Variants in GABRG3 observed in about 807,000 individuals in gnomAD.
GABRG3 encodes gamma-aminobutyric acid receptor subunit gamma-3.
In GABRG3, 25 loss-of-function variants were observed where a neutral mutation model predicts 48.8. The ratio of observed to expected loss-of-function variants is 0.51; its 90% CI spans 0.37 to 0.72. The LOEUF (loss-of-function observed/expected upper bound fraction) is 0.72, where lower values mean the gene tolerates loss of function less well. Among genes scored for constraint, GABRG3 ranks in the 30% least tolerant of loss-of-function variants. The probability of loss-of-function intolerance (pLI) is 0.00; values close to 1 mark genes in which losing one functional copy is unlikely to be tolerated. For synonymous variants in GABRG3, 227 were observed against 217.6 expected (o/e 1.04, Z -0.38); for missense variants, 394 against 577.9 (o/e 0.68, Z 3.26).
chr15:27,398,387 G>T (rs1306418583), intron 5 of GABRG3, among the ~76,000 whole-genome samples: 5 of 152,066 alleles, frequency 3.3e-5, no homozygotes, highest in Admixed American at 2.0e-4. Context: ...ACTCTCATGC[G>T]ACATATTGTA....
intron 5 of GABRG3, among the ~76,000 whole-genome samples, chr15:27,383,279 G>A (rs901400032): frequency 5.9e-5 from 9 of 152,144 alleles, no homozygotes; most frequent in African/African-American, 2.2e-4. Context: ...AGAGTATTAA[G>A]TCTGTTCTTT....
chr15:27,476,181 A>G (rs918050327), intron 5 of GABRG3, among the ~76,000 whole-genome samples: 13 of 152,190 alleles, frequency 8.5e-5, no homozygotes, highest in Non-Finnish European at 1.9e-4. Flanking sequence ...AGAAATAGGG[A>G]CAACAACAAA....
intron 3 of GABRG3, among the ~76,000 whole-genome samples, chr15:27,204,072 A>G (rs1322209657): frequency 6.6e-6 from 1 of 151,894 alleles, no homozygotes; most frequent in Non-Finnish European, 1.5e-5. Context: ...CTCACTTGTC[A>G]ATATTTTTGT....
intron 6 of GABRG3, among the ~76,000 whole-genome samples, chr15:27,485,754 T>C (rs991533446): frequency 2.6e-5 from 4 of 152,048 alleles, no homozygotes; most frequent in Admixed American, 6.6e-5. Context: ...CCAGAAATCA[T>C]GGCAACCAGA....
chr15:27,094,295 G>C (rs554357488), intron 3 of GABRG3, among the ~76,000 whole-genome samples: 31 of 152,300 alleles, frequency 2.0e-4, no homozygotes, highest in African/African-American at 7.5e-4. Context: ...GAAAGCCGGA[G>C]TGCATGGCCC....
At chr15:27,066,353 T>C (rs1010836905) in intron 3 of GABRG3, among the ~76,000 whole-genome samples, 2 of 152,188 alleles carry the variant, frequency 1.3e-5, no homozygotes, top group Non-Finnish European at 2.9e-5. Flanking sequence ...TTATGTCTTT[T>C]GGAGGGATAG....
intron 2 of GABRG3, among the ~76,000 whole-genome samples, chr15:27,022,401 C>T (rs1895911822): frequency 6.6e-6 from 1 of 152,158 alleles, no homozygotes; most frequent in Admixed American, 6.5e-5. Context: ...CTGTGCCCAC[C>T]TCAGGGGGCC....
intron 7 of GABRG3, among the ~76,000 whole-genome samples, chr15:27,524,131 G>A (rs1414816352): frequency 6.6e-6 from 1 of 152,038 alleles, no homozygotes; most frequent in Non-Finnish European, 1.5e-5. Context: ...ATTAAGAGTA[G>A]CAAAGAAATG....
intron 5 of GABRG3, among the ~76,000 whole-genome samples, chr15:27,467,398 C>G (rs1243657193): frequency 6.6e-6 from 1 of 152,136 alleles, no homozygotes; most frequent in Non-Finnish European, 1.5e-5. Flanking sequence ...ATCTTCAGTA[C>G]CACTGCACTT....
chr15:27,045,558 G>A (rs1896348704), intron 3 of GABRG3, among the ~76,000 whole-genome samples: 1 of 152,160 alleles, frequency 6.6e-6, no homozygotes, highest in Non-Finnish European at 1.5e-5. Flanking sequence ...GCAGCTCTCA[G>A]CTAGAGCACA....
chr15:26,973,468 C>T (rs965795231), intron 1 of GABRG3, among the ~76,000 whole-genome samples: 2 of 152,190 alleles, frequency 1.3e-5, no homozygotes, highest in Non-Finnish European at 2.9e-5. Flanking sequence ...ATGGGTTTTA[C>T]AGACATGTGA....
intron 5 of GABRG3, among the ~76,000 whole-genome samples, chr15:27,464,176 C>T (rs753056305): frequency 6.6e-6 from 1 of 152,116 alleles, no homozygotes; most frequent in Non-Finnish European, 1.5e-5. Context: ...AGTATATTCA[C>T]AGAATTGCTT....
chr15:27,045,213 G>A (rs74006553), intron 3 of GABRG3, among the ~76,000 whole-genome samples: 2,293 of 152,286 alleles, frequency 0.015, 53 homozygotes, highest in African/African-American at 0.052. Context: ...TCCCTGAGGC[G>A]CTTATGAGCC....
At chr15:27,529,499 A>T (rs1347748100) in intron 9 of GABRG3, among the ~76,000 whole-genome samples, 1 of 152,166 alleles carries the variant, frequency 6.6e-6, no homozygotes, top group African/African-American at 2.4e-5. Context: ...AGGACCTCAT[A>T]TGCAGTGCCA....
intron 3 of GABRG3, among the ~76,000 whole-genome samples, chr15:27,195,571 C>T (rs536758361): frequency 9.8e-4 from 149 of 152,268 alleles, no homozygotes; most frequent in African/African-American, 3.2e-3. Context: ...ACCTCATGAT[C>T]TGCCCGCCTT....
chr15:27,408,740 T>C (rs1887711525), intron 5 of GABRG3, among the ~76,000 whole-genome samples: 1 of 152,154 alleles, frequency 6.6e-6, no homozygotes, highest in Admixed American at 6.6e-5. Flanking sequence ...CCTTCAGACT[T>C]CCAGATGTCA....
intron 5 of GABRG3, among the ~76,000 whole-genome samples, chr15:27,393,023 G>A (rs1005727045): frequency 2.0e-5 from 3 of 151,924 alleles, no homozygotes; most frequent in African/African-American, 7.3e-5. Context: ...TAAGAGCCCC[G>A]GTTCATTTCA....
intron 3 of GABRG3, among the ~76,000 whole-genome samples, chr15:27,085,962 A>G (rs2140748884): frequency 6.6e-6 from 1 of 152,322 alleles, no homozygotes; most frequent in African/African-American, 2.4e-5. Flanking sequence ...TAAACATTTC[A>G]TTGAAGAACT....
At chr15:27,313,260 GTGTATATATATA>G (rs764907785) in intron 3 of GABRG3, among the ~76,000 whole-genome samples, 815 of 49,370 alleles carry the variant, frequency 0.017, 4 homozygotes, top group South Asian at 0.023. Context: ...GTGTGTGTGT[GTGTATATATATA>G]TATATATATA....
Sources: allele counts gnomAD v4.1 joint callset (sites outside exome capture counted in the v4.1 genomes callset), GRCh38; gene constraint gnomAD v4.1.1; transcripts MANE v1.5; gene names NCBI Gene and HGNC (gene_info 2026-07-23, HGNC 2026-07-21).